The following CCDC171 variants were observed in gnomAD, a reference collection of about 807,000 sequenced individuals.
CCDC171 encodes the protein coiled-coil domain-containing protein 171.
A neutral mutation model predicts 168.2 loss-of-function variants in CCDC171; 177 were observed. The observed-to-expected ratio is 1.05, with a 90% confidence interval of 0.93 to 1.19. The LOEUF (loss-of-function observed/expected upper bound fraction) is 1.19, where lower values mean the gene tolerates loss of function less well. Ranked by LOEUF, CCDC171 falls within the 50% of genes most tolerant of loss-of-function variation. The pLI is 0.00. For missense variants in CCDC171, 1,991 were observed against 1,539.0 expected, an observed-to-expected ratio of 1.29 and a Z score of -4.91; for synonymous variants, 687 against 540.8, an observed-to-expected ratio of 1.27 and a Z score of -3.75.
intron 11 of CCDC171, among the ~76,000 whole-genome samples, chr9:15,719,807 G>T (rs1424242989): frequency 6.6e-6 from 1 of 152,086 alleles, no homozygotes; most frequent in Non-Finnish European, 1.5e-5. Context: ...CAGATTTCCC[G>T]AGTGTCCTTG....
At chr9:15,598,254 T>G (rs1336308659) in intron 6 of CCDC171, among the ~76,000 whole-genome samples, 1 of 152,184 alleles carries the variant, frequency 6.6e-6, no homozygotes, top group South Asian at 2.1e-4. Flanking sequence ...GTGTCAATTT[T>G]AGATCTTTCC....
Position 15,825,249 on chromosome 9 carries a change from C to G in CCDC171, c.3268-21453C>G, listed in dbSNP as rs1453333991. Among the ~76,000 whole-genome samples, 8 of 152,142 alleles carry G rather than the reference C, an allele frequency of 5.3e-5. No homozygotes were observed. The East Asian group carries it at 1.5e-3, about 29-fold the overall frequency. On this transcript the variant is annotated intron_variant, in intron 21 of 25. Transcript: ENST00000380701. ...AAGACACCAACCACATGATTGATAA[C>G]TAAAAATATAGACAAGGAGCAGGTG...
chr9:15,577,641 T>A (rs1451162919), intron 3 of CCDC171, among the ~76,000 whole-genome samples: 1 of 152,198 alleles, frequency 6.6e-6, no homozygotes, highest in Admixed American at 6.5e-5. Flanking sequence ...CCATTCTAAG[T>A]CTTAAAACAA....
At chr9:15,987,652 A>T (rs1340415303) in intron 3 of CCDC171, among the ~76,000 whole-genome samples, 1 of 148,650 alleles carries the variant, frequency 6.7e-6, no homozygotes, top group East Asian at 2.0e-4. Context: ...AAGGAGTGAG[A>T]TGGAGTTACA....
At chr9:15,771,484 A>G (rs1042486980) in intron 18 of CCDC171, among the ~76,000 whole-genome samples, 11 of 152,132 alleles carry the variant, frequency 7.2e-5, no homozygotes, top group African/African-American at 2.7e-4. Context: ...ATATTCTACA[A>G]ATGATCATAC....
chr9:15,740,200 A>G (rs13296553), intron 16 of CCDC171, among the ~76,000 whole-genome samples: 1 of 151,972 alleles, frequency 6.6e-6, no homozygotes, highest in African/African-American at 2.4e-5. Flanking sequence ...TTTATGGTCT[A>G]TTTGGAATTT....
intron 25 of CCDC171, among the ~76,000 whole-genome samples, chr9:15,969,361 G>A (rs1831124599): frequency 6.6e-6 from 1 of 152,166 alleles, no homozygotes; most frequent in African/African-American, 2.4e-5. Context: ...ACTTTGTAAT[G>A]TGTTAGGTTG....
At chr9:15,657,690 A>C (rs181785980) in intron 8 of CCDC171, among the ~76,000 whole-genome samples, 1 of 152,358 alleles carries the variant, frequency 6.6e-6, no homozygotes, top group Admixed American at 6.5e-5. Flanking sequence ...TGTAACTTAC[A>C]TTTTGTTGTC....
At chr9:15,961,580 G>C (rs574728547) in intron 25 of CCDC171, among the ~76,000 whole-genome samples, 2 of 152,234 alleles carry the variant, frequency 1.3e-5, no homozygotes, top group African/African-American at 4.8e-5. Context: ...ATTGAAATGA[G>C]AGTGTTCTTT....
chr9:15,594,304 C>A (rs1587246151), intron 6 of CCDC171, 132 bp downstream of exon 6: 3 of 580,304 alleles, frequency 5.2e-6, no homozygotes, highest in South Asian at 5.4e-5. Context: ...GGCCACATTT[C>A]ATTTGCTGTT....
chr9:15,745,604 G>C lies in CCDC171; in HGVS notation c.2644G>C (p.Glu882Gln). The change falls in exon 18 of 26, where the codon GAA (glutamate) becomes CAA (glutamine). Residue 882 changes from glutamate to glutamine, a missense_variant. Coordinates refer to ENST00000380701, the MANE Select transcript of CCDC171 (RefSeq NM_173550.4). ...TGCTGCAATAATCAGTTCTATGGCT[G>C]AATTACAAGACGTCATTGGTAAAGC... Reference protein sequence around the residue: ...LLAAIISSMAELQDVIGKADP... With the variant: ...LLAAIISSMAQLQDVIGKADP... 6.4e-7 allele frequency: 1 copy of C among 1,558,268 alleles called. No individual in the cohort carries two copies. Among genetic ancestry groups the C allele is most frequent in the South Asian group, 1.2e-5 (1 of 81,278 alleles).
intron 24 of CCDC171, among the ~76,000 whole-genome samples, chr9:15,905,597 A>T (rs1396735057): frequency 6.6e-6 from 1 of 152,232 alleles, no homozygotes; most frequent in Non-Finnish European, 1.5e-5. Flanking sequence ...ACATCCTAAC[A>T]TCACAATTAA....
intron 11 of CCDC171, among the ~76,000 whole-genome samples, chr9:15,714,624 G>T (rs919457307): frequency 1.3e-5 from 2 of 152,084 alleles, no homozygotes; most frequent in African/African-American, 4.8e-5. Context: ...TTAGATGGTT[G>T]CATGTTTCTT....
At chr9:15,828,148 AGCTTT>A (rs2060091186) in intron 21 of CCDC171, among the ~76,000 whole-genome samples, 1 of 152,176 alleles carries the variant, frequency 6.6e-6, no homozygotes, top group Non-Finnish European at 1.5e-5. Context: ...AGATGATTTC[AGCTTT>A]TCGTTTTGTT....
intron 3 of CCDC171, among the ~76,000 whole-genome samples, chr9:16,016,032 A>G (rs1320102381): frequency 6.6e-6 from 1 of 152,220 alleles, no homozygotes; most frequent in Non-Finnish European, 1.5e-5. Flanking sequence ...TGGACATTTA[A>G]GTTGCTTCCA....
At chr9:15,646,682 A>G (rs1312005730) in intron 7 of CCDC171, among the ~76,000 whole-genome samples, 1 of 152,248 alleles carries the variant, frequency 6.6e-6, no homozygotes, top group African/African-American at 2.4e-5. Flanking sequence ...AAAGGGATCA[A>G]TTCAACAAGA....
chr9:15,858,558 G>GT (rs2061431356), intron 23 of CCDC171, among the ~76,000 whole-genome samples: 1 of 150,242 alleles, frequency 6.7e-6, no homozygotes, highest in Non-Finnish European at 1.5e-5. Context: ...AACACAGAAT[G>GT]TTTTTTCATT....
chr9:15,623,241 T>C (rs2044651991), intron 6 of CCDC171, 26 bp from the exon 7 acceptor site: 2 of 1,534,014 alleles, frequency 1.3e-6, no homozygotes, highest in African/African-American at 1.4e-5. Flanking sequence ...TAAACTTTAT[T>C]GATGCAAAAA....
At chr9:15,673,388 G>A (rs1377081319) in intron 9 of CCDC171, among the ~76,000 whole-genome samples, 1 of 152,086 alleles carries the variant, frequency 6.6e-6, no homozygotes, top group African/African-American at 2.4e-5. Context: ...CCAACACTAT[G>A]TTGAATTAAG....
Sources: allele counts gnomAD v4.1 joint callset (sites outside exome capture counted in the v4.1 genomes callset), GRCh38; gene constraint gnomAD v4.1.1; transcripts MANE v1.5; gene names NCBI Gene and HGNC (gene_info 2026-07-23, HGNC 2026-07-21).